P3H3: variants seen among roughly 807,000 people sequenced by gnomAD.
The protein encoded by P3H3 is prolyl 3-hydroxylase 3, also known as gene rich cluster, B.
A neutral mutation model predicts 78.1 loss-of-function variants in P3H3; 64 were observed. That is an observed-to-expected ratio of 0.82 (90% CI 0.67 to 1.01). P3H3 has a LOEUF of 1.01. Among genes scored for constraint, P3H3 ranks in the 50% least tolerant of loss-of-function variants. The probability of loss-of-function intolerance (pLI) is 0.00; values close to 1 mark genes in which losing one functional copy is unlikely to be tolerated. For missense variants in P3H3, 975 were observed against 982.2 expected, an observed-to-expected ratio of 0.99 and a Z score of 0.10; for synonymous variants, 425 against 416.7, an observed-to-expected ratio of 1.02 and a Z score of -0.24.
chr12:6,837,095 AGGAG>A lies in P3H3; in HGVS notation c.1560+11_1560+14del. The A allele has an allele frequency of 5.6e-6, 9 of 1,597,516 alleles. No individual in the cohort carries two copies. Among genetic ancestry groups the A allele is most frequent in the Non-Finnish European group, 7.7e-6 (9 of 1,176,366 alleles). On this transcript the variant is annotated intron_variant, in intron 10 of 14. Transcript: ENST00000290510. ...TGCTTAAGGCTGCGCAGGTGAGCACAGGAGGCACCCGGGCCCGTCTGATGCCCAG... is the reference window on the plus strand; with the variant it reads ...TGCTTAAGGCTGCGCAGGTGAGCACAGCACCCGGGCCCGTCTGATGCCCAG...
At chr12:6,836,595 G>A (rs1423237416) in intron 9 of P3H3, among the ~76,000 whole-genome samples, 1 of 152,124 alleles carries the variant, frequency 6.6e-6, no homozygotes, top group Non-Finnish European at 1.5e-5. Context: ...TTCCTCTTAG[G>A]GTCCTGTTTC....
At position 6,831,517 on chromosome 12, in the gene P3H3, C is replaced by T. The variant is rs1591579554; in HGVS notation, c.1122+165C>T. Among the ~76,000 whole-genome samples the T allele has an allele frequency of 6.6e-6, 1 of 152,116 alleles. No individual in the cohort carries two copies. Among genetic ancestry groups the T allele is most frequent in the Non-Finnish European group, 1.5e-5 (1 of 68,024 alleles). On this transcript the variant is annotated intron_variant, in intron 5 of 14. Coordinates refer to ENST00000290510, the MANE Select transcript of P3H3 (RefSeq NM_014262.5). This position sits in a 1 kb window ranked among gnomAD's most constrained non-coding sequence, Gnocchi z 4.6. Reference sequence around the variant, plus strand: ...ACTTCCGTCTCCACTCCCTGCTCCCCACGGCAGCCTGGAGTTCCGATTCCA... The same window carrying T: ...ACTTCCGTCTCCACTCCCTGCTCCCTACGGCAGCCTGGAGTTCCGATTCCA...
rs1555121796 is a variant in P3H3, at chr12:6,833,978, G to A, written c.1387G>A (p.Gly463Arg). 1.2e-6 allele frequency: 2 copies of A among 1,613,912 alleles called. No homozygotes were observed. The highest frequency in any genetic ancestry group is 2.7e-5 in the African/African-American group (2 of 75,056). ...TLTQDSRQLN[G>R]SERAVLDGLL... ...GACCCAGGATTCCAGGCAGCTGAATGGGTCGGAGCGGGCGGTGTTGGATGG... is the reference window on the plus strand; with the variant it reads ...GACCCAGGATTCCAGGCAGCTGAATAGGTCGGAGCGGGCGGTGTTGGATGG... Residue 463 changes from glycine to arginine, a missense_variant, in exon 9 of 15, where the codon GGG becomes AGG. Coordinates refer to ENST00000290510, the MANE Select transcript of P3H3 (RefSeq NM_014262.5).
intron 9 of P3H3, chr12:6,834,862 C>T (rs901422822): frequency 4.7e-5 from 7 of 149,980 alleles, no homozygotes; most frequent in Admixed American, 1.3e-4. Flanking sequence ...CGCCTGAACC[C>T]GGGAGGCGGA....
chr12:6,837,895 A>G (rs782591643), intron 12 of P3H3, 46 bp downstream of exon 12: 2 of 1,593,230 alleles, frequency 1.3e-6, no homozygotes, highest in South Asian at 2.3e-5. Context: ...GACAAAGGTC[A>G]TCCCACTGCC....
intron 2 of P3H3, 131 bp downstream of exon 2, chr12:6,830,142 G>A: frequency 8.1e-7 from 1 of 1,239,124 alleles, no homozygotes; most frequent in Non-Finnish European, 1.1e-6. Context: ...CCCTGGCTGG[G>A]AGTCCTTCTC....
chr12:6,832,671 G>A (rs1943460721), intron 6 of P3H3, among the ~76,000 whole-genome samples: 1 of 151,728 alleles, frequency 6.6e-6, no homozygotes, highest in Admixed American at 6.6e-5. Flanking sequence ...GTGCGATCTT[G>A]GCTCACTGCA....
chr12:6,834,189 T>C, intron 9 of P3H3, 140 bp downstream of exon 9: 1 of 1,312,226 alleles, frequency 7.6e-7, no homozygotes, highest in Non-Finnish European at 1.0e-6. Flanking sequence ...CTCTCAGCTG[T>C]GGATAAGTTC....
chr12:6,834,613 T>C (rs781839053), intron 9 of P3H3, among the ~76,000 whole-genome samples: 26 of 152,118 alleles, frequency 1.7e-4, no homozygotes, highest in Non-Finnish European at 3.4e-4. Flanking sequence ...AAATACATAA[T>C]ATAAGCAGGT....
At chr12:6,833,037 TG>T (rs1170981128) in intron 6 of P3H3, among the ~76,000 whole-genome samples, 6 of 151,770 alleles carry the variant, frequency 4.0e-5, no homozygotes, top group African/African-American at 7.3e-5. Flanking sequence ...TAGCTGGGCG[TG>T]GTGGCGGGCG....
chr12:6,830,161 C>G, intron 2 of P3H3, 150 bp downstream of exon 2: 1 of 1,122,274 alleles, frequency 8.9e-7, no homozygotes, highest in Non-Finnish European at 1.3e-6. Context: ...TCTAGGACTT[C>G]GTTTCCTTCC....
chr12:6,833,174 C>CAA (rs57496495), intron 6 of P3H3, among the ~76,000 whole-genome samples: 1 of 151,420 alleles, frequency 6.6e-6, no homozygotes, highest in Non-Finnish European at 1.5e-5. Context: ...GACTCCGTCT[C>CAA]AAAAAAACAA....
At position 6,831,450 on chromosome 12, in the gene P3H3, C is replaced by G; in HGVS notation, c.1122+98C>G. ...CCCCACCCCCCGCTGGCCTCTTACC[C>G]GAGCACTCTAGTCACCCAAAGGACT... On this transcript the variant is annotated intron_variant, in intron 5 of 14. Coordinates refer to ENST00000290510, the MANE Select transcript of P3H3 (RefSeq NM_014262.5). This position sits in a 1 kb window ranked among gnomAD's most constrained non-coding sequence, Gnocchi z 4.6. 1.3e-6 allele frequency: 2 copies of G among 1,510,854 alleles called. No individual in the cohort carries two copies. Among genetic ancestry groups the G allele is most frequent in the Non-Finnish European group, 8.9e-7 (1 of 1,123,102 alleles). 93.6% of individuals were successfully genotyped at this position (1,510,854 alleles called of 1,614,324 possible). A position where few individuals can be genotyped will look rare whatever the true frequency, so the allele number is the denominator to read the frequency against.
intron 9 of P3H3, among the ~76,000 whole-genome samples, 169 bp downstream of exon 9, chr12:6,834,218 C>G (rs976892286): frequency 2.6e-5 from 4 of 152,182 alleles, no homozygotes; most frequent in Non-Finnish European, 4.4e-5. Flanking sequence ...CTTAATTTAG[C>G]TGACATAGGT....
chr12:6,838,518 C>T (rs1391735545), intron 13 of P3H3, among the ~76,000 whole-genome samples: 1 of 152,140 alleles, frequency 6.6e-6, no homozygotes, highest in East Asian at 1.9e-4. Flanking sequence ...GAGGCAGCGC[C>T]TGGTAATGAT....
chr12:6,829,044 C>G lies in P3H3; in HGVS notation c.498+106C>G. 1 of 704,180 alleles carries G rather than the reference C, an allele frequency of 1.4e-6. No homozygotes were observed. Among genetic ancestry groups the G allele is most frequent in the Non-Finnish European group, 2.0e-6 (1 of 506,148 alleles). 43.6% of individuals were successfully genotyped at this position (704,180 alleles called of 1,614,324 possible). A position where few individuals can be genotyped will look rare whatever the true frequency, so the allele number is the denominator to read the frequency against. ...GGAATGCTGTTGCCCGGGCCCCGCA[C>G]GGGGCTGGGGAGCGTACCGCGGGCC... On this transcript the variant is annotated intron_variant, in intron 1 of 14. Transcript: ENST00000290510. The surrounding 1 kb of genome is among the most constrained non-coding windows in gnomAD (Gnocchi z 5.1).
chr12:6,839,101 G>T lies in P3H3; in HGVS notation c.2007G>T (p.Leu669=). ...WAVTRGRRCA[L]ALWHTWAPEH... ...TGACTCGGGGACGGCGCTGTGCCCT[G>T]GCACTGTGGCACACGTGGGCACCTG... Residue 669 remains leucine, a synonymous_variant, in exon 14 of 15, where the codon CTG becomes CTT. Coordinates refer to ENST00000290510, the MANE Select transcript of P3H3 (RefSeq NM_014262.5). 6.2e-7 allele frequency: 1 copy of T among 1,608,904 alleles called. No homozygotes were observed.
At chr12:6,830,958 GCTT>G in intron 4 of P3H3, 188 bp downstream of exon 4, 1 of 883,696 alleles carries the variant, frequency 1.1e-6, no homozygotes, top group Non-Finnish European at 1.8e-6. Context: ...CAGGAGATGG[GCTT>G]CCTTCTGCCT....
At chr12:6,837,292 G>A in intron 10 of P3H3, 131 bp from the exon 11 acceptor site, 1 of 1,320,892 alleles carries the variant, frequency 7.6e-7, no homozygotes, top group East Asian at 2.5e-5. Context: ...AGTTTGGGCT[G>A]ATGGACAGAG....
Sources: gnomAD v4.1 joint callset for allele counts (sites outside exome capture counted in the v4.1 genomes callset) on GRCh38, gnomAD v4.1.1 for gene constraint, Gnocchi (gnomAD v3.1) non-coding constraint, MANE v1.5 for transcripts, NCBI Gene and HGNC (gene_info 2026-07-23, HGNC 2026-07-21) for gene names.